The following TRPM8 variants were observed in gnomAD, a reference collection of about 807,000 sequenced individuals.
TRPM8 encodes TRPM8 cationic channel.
Under a neutral mutation model 133.7 loss-of-function variants are expected in TRPM8, and 110 were observed. The observed-to-expected ratio is 0.82, with a 90% CI of 0.70 to 0.96. The LOEUF (loss-of-function observed/expected upper bound fraction) is 0.96, where lower values mean the gene tolerates loss of function less well. TRPM8 is among the 40% of genes least tolerant of loss of function. TRPM8 has a pLI of 0.00. For synonymous variants in TRPM8, 535 were observed against 532.3 expected, an observed-to-expected ratio of 1.01 and a Z score of -0.07; for missense variants, 1,291 against 1,379.5, an observed-to-expected ratio of 0.94 and a Z score of 1.02.
chr2:233,937,619 T>A, intron 4 of TRPM8, 110 bp downstream of exon 4: 2 of 1,254,556 alleles, frequency 1.6e-6, no homozygotes, highest in East Asian at 2.4e-5. Context: ...AGATGGGTAG[T>A]AAACACCAAA....
rs916637439 is a variant in TRPM8 at position 233,996,361 on chromosome 2, A to G, written c.2975A>G (p.Gln992Arg). Reference protein sequence around the residue: ...TVGTVQENNDQVWKFQRYFLV... With the variant: ...TVGTVQENNDRVWKFQRYFLV... Reference sequence around the variant, plus strand: ...GGCACCGTCCAGGAGAACAATGACCAGGTCTGGAAGTTCCAGAGGTACTTC... The same window carrying G: ...GGCACCGTCCAGGAGAACAATGACCGGGTCTGGAAGTTCCAGAGGTACTTC... Residue 992 changes from glutamine to arginine, a missense_variant, in exon 22 of 26, where the codon CAG (glutamine) becomes CGG (arginine). By Grantham distance (43) the Gln-to-Arg change is conservative. Coordinates refer to ENST00000324695, the MANE Select transcript of TRPM8 (RefSeq NM_024080.5). 2.0e-5 allele frequency: 32 copies of G among 1,614,178 alleles called. No individual in the cohort carries two copies. The highest frequency in any genetic ancestry group is 2.7e-5 in the Non-Finnish European group (32 of 1,180,028).
In TRPM8 at chr2:233,955,157, G is replaced by A; in HGVS notation, c.1269G>A (p.Lys423=). ...YKAFSTSEQD[K]DNWNGQLKLL... Reference sequence around the variant, plus strand: ...CCTTCAGCACCAGTGAGCAAGACAAGGATAACTGGAATGGGCAGCTGAAGC... The same window carrying A: ...CCTTCAGCACCAGTGAGCAAGACAAAGATAACTGGAATGGGCAGCTGAAGC... The change falls in exon 11 of 26, where the codon AAG becomes AAA. Residue 423 remains lysine, a synonymous_variant. Coordinates refer to ENST00000324695, the MANE Select transcript of TRPM8 (RefSeq NM_024080.5). 1 of 1,614,110 alleles carries A rather than the reference G, an allele frequency of 6.2e-7. No individual in the cohort carries two copies. The highest frequency in any genetic ancestry group is 8.5e-7 in the Non-Finnish European group (1 of 1,179,978).
At chr2:233,972,710 G>A (rs994075692) in intron 17 of TRPM8, among the ~76,000 whole-genome samples, 6 of 152,202 alleles carry the variant, frequency 3.9e-5, no homozygotes, top group Admixed American at 1.3e-4. Flanking sequence ...CCACTGGCCC[G>A]GGTGCTAAAC....
rs1229143546 is a variant in TRPM8 at position 233,963,180 on chromosome 2, C to A, written c.1654-102C>A. The A allele has an allele frequency of 7.8e-6, 5 of 643,858 alleles. No homozygotes were observed. In the African/African-American group the frequency reaches 9.1e-5, roughly 12 times the overall value. The allele number at this position is 643,858 out of a possible 1,614,324, so 39.9% of individuals were successfully genotyped here. A position where few individuals can be genotyped will look rare whatever the true frequency, so the allele number is the denominator to read the frequency against. On this transcript the variant is annotated intron_variant, in intron 12 of 25. Coordinates refer to ENST00000324695, the MANE Select transcript of TRPM8 (RefSeq NM_024080.5). The stretch of plus-strand genomic sequence containing the variant: ...TGTACTGTGAGAATGGAGTCATGCA[C>A]AAAGCCACAGAGCCCTCCAAACATG...
intron 1 of TRPM8, among the ~76,000 whole-genome samples, chr2:233,924,189 C>T (rs949044439): frequency 1.3e-5 from 2 of 152,166 alleles, no homozygotes; most frequent in Non-Finnish European, 2.9e-5. Context: ...AAGTCAGGAG[C>T]GGAAGGACTC....
At chr2:234,013,556 T>A (rs544722857) in intron 24 of TRPM8, 1 of 152,332 alleles carries the variant, frequency 6.6e-6, no homozygotes, top group South Asian at 2.1e-4. Flanking sequence ...TTGTTTATCT[T>A]TTCAAAAAAC....
chr2:233,996,335 G>A lies in TRPM8; in HGVS notation c.2949G>A (p.Val983=). The A allele has an allele frequency of 6.2e-7, 1 of 1,614,004 alleles. No individual in the cohort carries two copies. The highest frequency in any genetic ancestry group is 8.5e-7 in the Non-Finnish European group (1 of 1,179,936). Residue 983 remains valine, a synonymous_variant, in exon 22 of 26, where the codon GTG becomes GTA. Coordinates refer to ENST00000324695, the MANE Select transcript of TRPM8 (RefSeq NM_024080.5). ...TCTCTTCCCTCACCAGCTACACGGT[G>A]GGCACCGTCCAGGAGAACAATGACC... ...NLLVAMFGYT[V]GTVQENNDQV...
rs200549891 is a variant in TRPM8, at chr2:234,019,426, T to C, written c.*2170T>C. 1 of 152,270 alleles carries C rather than the reference T, an allele frequency of 6.6e-6. No homozygotes were observed. The highest frequency in any genetic ancestry group is 2.1e-4 in the South Asian group (1 of 4,834). The allele number at this position is 152,270 out of a possible 1,614,324, so 9.4% of individuals were successfully genotyped here. Reference sequence around the variant, plus strand: ...ATCAAAGGTGCTATGTCCTTGTGTATGGTACTAAATGTGTCCTGTGTACTT... The same window carrying C: ...ATCAAAGGTGCTATGTCCTTGTGTACGGTACTAAATGTGTCCTGTGTACTT... On this transcript the variant is annotated 3_prime_UTR_variant, in exon 26 of 26. Coordinates refer to ENST00000324695, the MANE Select transcript of TRPM8 (RefSeq NM_024080.5).
At chr2:233,975,158 T>C (rs576671713) in intron 17 of TRPM8, among the ~76,000 whole-genome samples, 9 of 144,294 alleles carry the variant, frequency 6.2e-5, no homozygotes, top group African/African-American at 2.3e-4. Flanking sequence ...TGATTTGATT[T>C]AGATGTTTAT....
intron 14 of TRPM8, among the ~76,000 whole-genome samples, chr2:233,965,758 G>T (rs887065): frequency 0.33 from 41,544 of 127,770 alleles, 7,531 homozygotes; most frequent in East Asian, 0.55. Context: ...TAGTTTTACT[G>T]TAAAAAAATT....
chr2:233,957,494 A>G (rs1380306102), intron 11 of TRPM8, among the ~76,000 whole-genome samples: 1 of 152,200 alleles, frequency 6.6e-6, no homozygotes, highest in African/African-American at 2.4e-5. Context: ...GTCTCAAAAC[A>G]AACAAACACA....
rs370883697 is a variant in TRPM8 at position 233,973,363 on chromosome 2, G to A, written c.2355+2937G>A. Among the ~76,000 whole-genome samples the A allele has an allele frequency of 9.8e-5, 15 of 152,368 alleles. No individual in the cohort carries two copies. In the East Asian group the frequency reaches 1.7e-3, roughly 18 times the overall value. ...GACTCCCTCTGGAGGCTGTGCGGGAGACTCTGTCCTAGCCTCTCCTCTAGC... is the reference window on the plus strand; with the variant it reads ...GACTCCCTCTGGAGGCTGTGCGGGAAACTCTGTCCTAGCCTCTCCTCTAGC... On this transcript the variant is annotated intron_variant, in intron 17 of 25. Coordinates refer to ENST00000324695, the MANE Select transcript of TRPM8 (RefSeq NM_024080.5).
Position 234,009,960 on chromosome 2 carries a change from C to T in TRPM8, c.3264+1857C>T, listed in dbSNP as rs138870123. 2.9e-4 allele frequency among the ~76,000 whole-genome samples: 44 copies of T among 152,300 alleles called. No homozygotes were observed. In the East Asian group the frequency reaches 4.0e-3, roughly 14 times the overall value. On this transcript the variant is annotated intron_variant, in intron 24 of 25. Transcript: ENST00000324695. ...CGTATTACTTCTACATATTTACCATCTGTGAGTGTTGTATGTATGTGTGAG... is the reference window on the plus strand; with the variant it reads ...CGTATTACTTCTACATATTTACCATTTGTGAGTGTTGTATGTATGTGTGAG...
rs1299208131 is a variant in TRPM8 at position 234,017,342 on chromosome 2, T to C, written c.*86T>C. 2.1e-6 allele frequency: 1 copy of C among 471,458 alleles called. No homozygotes were observed. The highest frequency in any genetic ancestry group is 1.5e-5 in the South Asian group (1 of 64,570). 29.2% of individuals were successfully genotyped at this position (471,458 alleles called of 1,614,324 possible). ...GATGAACAATTTTGCTATCGACTACTAAATGAGAGATTTTCAGACCCCTGG... is the reference window on the plus strand; with the variant it reads ...GATGAACAATTTTGCTATCGACTACCAAATGAGAGATTTTCAGACCCCTGG... On this transcript the variant is annotated 3_prime_UTR_variant, in exon 26 of 26. Coordinates refer to ENST00000324695, the MANE Select transcript of TRPM8 (RefSeq NM_024080.5).
Position 233,930,714 on chromosome 2 carries a change from T to C in TRPM8, c.164T>C (p.Val55Ala). The C allele has an allele frequency of 1.9e-6, 3 of 1,609,840 alleles. No homozygotes were observed. Among genetic ancestry groups the C allele is most frequent in the Non-Finnish European group, 2.5e-6 (3 of 1,177,068 alleles). Residue 55 changes from valine to alanine, a missense_variant, in exon 3 of 26, where the codon GTC (valine) becomes GCC (alanine). This residue lies in a region of TRPM8 where 963 missense variants were observed against 968.9 expected (regional missense o/e 0.99). Transcript: ENST00000324695. ...IQANFKKREC[V>A]FFTKDSKATE... ...GCAAATTTTAAGAAACGAGAATGTG[T>C]CTTCTTTACCAAAGATTCCAAGGCC...
intron 2 of TRPM8, among the ~76,000 whole-genome samples, 174 bp downstream of exon 2, chr2:233,926,828 C>T (rs968943543): frequency 6.6e-6 from 1 of 152,132 alleles, no homozygotes; most frequent in Non-Finnish European, 1.5e-5. Context: ...AATCACAGTC[C>T]CTTCTCCAGC....
chr2:233,977,400 G>A lies in TRPM8; in HGVS notation c.2356-2788G>A, dbSNP rs77874062. On this transcript the variant is annotated intron_variant, in intron 17 of 25. Transcript: ENST00000324695. ...CTTTAAAAACACATTATCTCCCTGC[G>A]ATGGTAACTTGGAGCCTCAGGATTG... 5.9e-3 allele frequency among the ~76,000 whole-genome samples: 893 copies of A among 152,262 alleles called. 10 individuals carry two copies. Among genetic ancestry groups the A allele is most frequent in the African/African-American group, 0.02 (846 of 41,542 alleles).
Position 233,960,789 on chromosome 2 carries a change from A to C in TRPM8, c.1376A>C (p.Gln459Pro). Residue 459 changes from glutamine to proline, a missense_variant, in exon 12 of 26, where the codon CAA (glutamine) becomes CCA (proline). Gln to Pro is a moderately conservative substitution (Grantham distance 76). Around this residue, in one of 2 missense-constraint regions of TRPM8, gnomAD observed 963 missense variants for 968.9 expected, o/e 0.99. Coordinates refer to ENST00000324695, the MANE Select transcript of TRPM8 (RefSeq NM_024080.5). ...NDRRWESADL[Q>P]EVMFTALIKD... Reference sequence around the variant, plus strand: ...CTTTCTCCTTAGTCTGCTGACCTTCAAGAAGTCATGTTTACGGCTCTCATA... The same window carrying C: ...CTTTCTCCTTAGTCTGCTGACCTTCCAGAAGTCATGTTTACGGCTCTCATA... 1 of 1,614,026 alleles carries C rather than the reference A, an allele frequency of 6.2e-7. No homozygotes were observed. The highest frequency in any genetic ancestry group is 8.5e-7 in the Non-Finnish European group (1 of 1,179,928).
intron 3 of TRPM8, among the ~76,000 whole-genome samples, chr2:233,931,963 G>T (rs893058187): frequency 6.6e-6 from 1 of 152,240 alleles, no homozygotes; most frequent in Non-Finnish European, 1.5e-5. Context: ...CACATGTGCA[G>T]TGGAAGATGG....
Sources: gnomAD v4.1 joint callset for allele counts (sites outside exome capture counted in the v4.1 genomes callset) on GRCh38, gnomAD v4.1.1 for gene constraint, gnomAD v4.1.1 regional missense constraint, MANE v1.5 for transcripts, NCBI Gene and HGNC (gene_info 2026-07-23, HGNC 2026-07-21) for gene names.